Variants in UGT1A10 observed in about 807,000 individuals in gnomAD.
UGT1A10 encodes the protein UDP glucuronosyltransferase family 1 member A10, also known as UDP-glucuronosyltransferase 1A10.
UGT1A10 carries 49 observed loss-of-function variants against 45.8 expected under a neutral mutation model. The ratio of observed to expected loss-of-function variants is 1.07; its 90% CI spans 0.85 to 1.36. The LOEUF is 1.36. Ranked by LOEUF, UGT1A10 falls within the 40% of genes most tolerant of loss-of-function variation. UGT1A10 has a pLI of 0.00. For missense variants in UGT1A10, 745 were observed against 668.6 expected, an observed-to-expected ratio of 1.11 and a Z score of -1.26; for synonymous variants, 284 against 249.7, an observed-to-expected ratio of 1.14 and a Z score of -1.29.
At chr2:233,727,747 T>A (rs1157113585) in intron 1 of UGT1A10, among the ~76,000 whole-genome samples, 1 of 152,214 alleles carries the variant, frequency 6.6e-6, no homozygotes, top group Non-Finnish European at 1.5e-5. Flanking sequence ...ATCCTGCGTG[T>A]GCTGCCCTTG....
chr2:233,664,835 T>A (rs942846270), intron 1 of UGT1A10, among the ~76,000 whole-genome samples: 1 of 152,196 alleles, frequency 6.6e-6, no homozygotes, highest in Non-Finnish European at 1.5e-5. Context: ...ATTTGTCTCA[T>A]TTGGAATTTT....
At chr2:233,754,443 A>G (rs925752742) in intron 1 of UGT1A10, 4 of 350,446 alleles carry the variant, frequency 1.1e-5, no homozygotes, top group Admixed American at 3.9e-5. Context: ...GTGTTTATAA[A>G]TTCTTGGGTA....
At position 233,756,997 on chromosome 2, in the gene UGT1A10, A is replaced by G. The variant is rs1051475353; in HGVS notation, c.856-10037A>G. Among the ~76,000 whole-genome samples the G allele has an allele frequency of 5.9e-5, 9 of 151,946 alleles. No homozygotes were observed. The highest frequency in any genetic ancestry group is 1.9e-4 in the African/African-American group (8 of 41,328). On this transcript the variant is annotated intron_variant, in intron 1 of 4. Coordinates refer to ENST00000344644, the MANE Select transcript of UGT1A10 (RefSeq NM_019075.4). ...AATGAACAGTCATAGTAAGCTGGCC[A>G]AGGGTAGAGTTCAGTTTGAACAAAG...
At chr2:233,674,803 C>T (rs991441193) in intron 1 of UGT1A10, among the ~76,000 whole-genome samples, 4 of 152,164 alleles carry the variant, frequency 2.6e-5, no homozygotes, top group Admixed American at 6.6e-5. Context: ...ATTCAGAACT[C>T]AAAGAAGGCT....
intron 1 of UGT1A10, among the ~76,000 whole-genome samples, chr2:233,695,754 A>G (rs942245272): frequency 6.6e-6 from 1 of 152,170 alleles, no homozygotes; most frequent in African/African-American, 2.4e-5. Context: ...ACAGGTCTTC[A>G]TCCTTTTTTA....
At chr2:233,734,694 A>G (rs1291043334) in intron 1 of UGT1A10, among the ~76,000 whole-genome samples, 5 of 149,240 alleles carry the variant, frequency 3.4e-5, no homozygotes, top group Non-Finnish European at 7.3e-5. Flanking sequence ...AATGTGTCCC[A>G]GAGATTCTGG....
intron 1 of UGT1A10, among the ~76,000 whole-genome samples, chr2:233,643,887 T>G (rs984625077): frequency 1.3e-5 from 2 of 152,160 alleles, no homozygotes; most frequent in Non-Finnish European, 2.9e-5. Flanking sequence ...TTCTGACCAG[T>G]GCCCTATCCT....
chr2:233,636,714 G>A lies in UGT1A10; in HGVS notation c.192G>A (p.Trp64Ter). Residue 64 changes from tryptophan (W) to a stop codon, truncating the protein, a stop_gained, in exon 1 of 5, where the codon TGG becomes TGA. Transcript: ENST00000344644. LOFTEE classifies it high-confidence loss of function. ...EVVVVMPEVS[W>*]QLERSLNCTV... ...TTGTAGTCATGCCAGAGGTGAGTTG[G>A]CAACTGGAAAGATCACTGAATTGCA... The A allele has an allele frequency of 1.2e-6, 2 of 1,614,154 alleles. No individual in the cohort carries two copies. The highest frequency in any genetic ancestry group is 1.1e-5 in the South Asian group (1 of 91,074).
At chr2:233,674,927 A>G (rs1312490946) in intron 1 of UGT1A10, among the ~76,000 whole-genome samples, 1 of 152,208 alleles carries the variant, frequency 6.6e-6, no homozygotes, top group African/African-American at 2.4e-5. Context: ...TGTGTCTGGG[A>G]AAAGCATGCA....
At chr2:233,638,925 T>G (rs1009396691) in intron 1 of UGT1A10, among the ~76,000 whole-genome samples, 3 of 152,066 alleles carry the variant, frequency 2.0e-5, no homozygotes, top group Non-Finnish European at 4.4e-5. Context: ...CTCTAAGAGG[T>G]TGGACTTATC....
At chr2:233,658,844 G>A (rs909894947) in intron 1 of UGT1A10, among the ~76,000 whole-genome samples, 1 of 152,164 alleles carries the variant, frequency 6.6e-6, no homozygotes, top group Non-Finnish European at 1.5e-5. Flanking sequence ...TGTGAAATAT[G>A]TGATAATTAT....
intron 1 of UGT1A10, among the ~76,000 whole-genome samples, chr2:233,641,358 A>G (rs886795873): frequency 5.9e-5 from 9 of 152,220 alleles, no homozygotes; most frequent in African/African-American, 2.2e-4. Context: ...CACTATTTGC[A>G]TAAACAAACA....
At position 233,729,401 on chromosome 2, in the gene UGT1A10, A is replaced by T. The variant is rs1464724125; in HGVS notation, c.856-37633A>T. Reference sequence around the variant, plus strand: ...TGGACCCAGGATGAATTTGATCGCCATGTGCTGGGCCACACTCAACTGTAC... The same window carrying T: ...TGGACCCAGGATGAATTTGATCGCCTTGTGCTGGGCCACACTCAACTGTAC... On this transcript the variant is annotated intron_variant, in intron 1 of 4. Coordinates refer to ENST00000344644, the MANE Select transcript of UGT1A10 (RefSeq NM_019075.4). 4.3e-6 allele frequency: 7 copies of T among 1,613,850 alleles called. No individual in the cohort carries two copies. Among genetic ancestry groups the T allele is most frequent in the East Asian group, 2.2e-5 (1 of 44,882 alleles).
intron 1 of UGT1A10, chr2:233,729,195 G>C: frequency 6.2e-7 from 1 of 1,614,030 alleles, no homozygotes; most frequent in Non-Finnish European, 8.5e-7. Context: ...TCAGTGTCCA[G>C]CCCTGGGCTG....
chr2:233,675,661 GGAGA>G (rs1253682062), intron 1 of UGT1A10, among the ~76,000 whole-genome samples: 2 of 152,088 alleles, frequency 1.3e-5, no homozygotes, highest in African/African-American at 4.8e-5. Context: ...CATACACAAT[GGAGA>G]GACTCAGTGT....
At chr2:233,678,572 C>T (rs944278789) in intron 1 of UGT1A10, among the ~76,000 whole-genome samples, 1 of 152,180 alleles carries the variant, frequency 6.6e-6, no homozygotes, top group East Asian at 1.9e-4. Context: ...ACTAATCCTT[C>T]TTCCCCATTT....
rs762109713 is a variant in UGT1A10, at chr2:233,760,481, C to T, written c.856-6553C>T. On this transcript the variant is annotated intron_variant, in intron 1 of 4. Coordinates refer to ENST00000344644, the MANE Select transcript of UGT1A10 (RefSeq NM_019075.4). ...ATAGTTGTCCTAGCACCTGACGCCT[C>T]GTTGTACATCAGAGACGGAGCATTT... 4.0e-5 allele frequency: 65 copies of T among 1,614,070 alleles called. No individual in the cohort carries two copies. The highest frequency in any genetic ancestry group is 5.3e-5 in the African/African-American group (4 of 74,932).
intron 4 of UGT1A10, 140 bp downstream of exon 4, chr2:233,768,579 C>CT: frequency 4.3e-6 from 4 of 934,844 alleles, no homozygotes; most frequent in Admixed American, 8.5e-5. Context: ...ATTTTTATTT[C>CT]TTCTTTTTTT....
At chr2:233,757,826 ATGG>A (rs1696730771) in intron 1 of UGT1A10, among the ~76,000 whole-genome samples, 1 of 151,882 alleles carries the variant, frequency 6.6e-6, no homozygotes, top group Non-Finnish European at 1.5e-5. Flanking sequence ...AGTGTGTCTG[ATGG>A]TGGCCTACTA....
Sources: gnomAD v4.1 joint callset for allele counts (sites outside exome capture counted in the v4.1 genomes callset) on GRCh38, gnomAD v4.1.1 for gene constraint, MANE v1.5 for transcripts, NCBI Gene and HGNC (gene_info 2026-07-23, HGNC 2026-07-21) for gene names.